CPT1A: variants seen among roughly 807,000 people sequenced by gnomAD.
CPT1A encodes carnitine O-palmitoyltransferase 1, liver isoform.
CPT1A carries 64 observed loss-of-function variants against 100.8 expected under a neutral mutation model. That is an observed-to-expected ratio of 0.63 (90% CI 0.52 to 0.78). The LOEUF is 0.78. Among genes scored for constraint, CPT1A ranks in the 30% least tolerant of loss-of-function variants. The probability of loss-of-function intolerance (pLI) is 0.00; values close to 1 mark genes in which losing one functional copy is unlikely to be tolerated. For missense variants in CPT1A, 802 were observed against 1,034.1 expected (o/e 0.78, Z 3.08); for synonymous variants, 363 against 396.0 (o/e 0.92, Z 0.99).
chr11:68,763,056 C>T (rs988965309), intron 14 of CPT1A, among the ~76,000 whole-genome samples: 11 of 152,220 alleles, frequency 7.2e-5, no homozygotes, highest in Admixed American at 2.0e-4. Flanking sequence ...CACCACATTG[C>T]CCAGGCTGGT....
intron 1 of CPT1A, among the ~76,000 whole-genome samples, chr11:68,820,563 A>C (rs12801913): frequency 6.6e-6 from 1 of 152,160 alleles, no homozygotes; most frequent in South Asian, 2.1e-4. Context: ...CATGCCTGTA[A>C]TCCCAGCTAC....
intron 9 of CPT1A, among the ~76,000 whole-genome samples, chr11:68,791,828 C>T (rs185010327): frequency 5.9e-4 from 90 of 152,138 alleles, no homozygotes; most frequent in African/African-American, 1.9e-3. Flanking sequence ...TGAGCCACCG[C>T]GCCTGGCCAG....
intron 3 of CPT1A, among the ~76,000 whole-genome samples, chr11:68,811,418 G>T (rs556563038): frequency 6.6e-6 from 1 of 152,316 alleles, no homozygotes; most frequent in South Asian, 2.1e-4. Context: ...AGTAAAATGT[G>T]TGTCCAAGCC....
Position 68,757,581 on chromosome 11 carries a change from G to A in CPT1A, c.*63C>T, listed in dbSNP as rs1303036815. 1.9e-6 allele frequency: 3 copies of A among 1,612,774 alleles called. No individual in the cohort carries two copies. The highest frequency in any genetic ancestry group is 2.5e-6 in the Non-Finnish European group (3 of 1,179,592). On this transcript the variant is annotated 3_prime_UTR_variant, in exon 19 of 19. Coordinates refer to ENST00000265641, the MANE Select transcript of CPT1A (RefSeq NM_001876.4). ...ATCCCGAGCTAAGGTCAGGATTAAT[G>A]CCTATTTTTCATTTGGTTTGCATCA...
intron 1 of CPT1A, among the ~76,000 whole-genome samples, chr11:68,819,834 G>A (rs778938726): frequency 1.3e-5 from 2 of 152,178 alleles, no homozygotes; most frequent in African/African-American, 4.8e-5. Flanking sequence ...TCCTGACCTA[G>A]CCTCTCCCTC....
intron 5 of CPT1A, among the ~76,000 whole-genome samples, chr11:68,803,176 C>T (rs1459512595): frequency 6.6e-6 from 1 of 152,126 alleles, no homozygotes; most frequent in Non-Finnish European, 1.5e-5. Context: ...TACTATTCAG[C>T]CATAAGAAGG....
At position 68,809,667 on chromosome 11, in the gene CPT1A, A is replaced by T. The variant is rs189487418; in HGVS notation, c.282-2029T>A. The stretch of plus-strand genomic sequence containing the variant: ...AGGCAGCAGCCCAGAGATACTGCAG[A>T]TCCCCTCCAGGACAGGAAATGGCCC... On this transcript the variant is annotated intron_variant, in intron 3 of 18. Transcript: ENST00000265641. Among the ~76,000 whole-genome samples the T allele has an allele frequency of 5.2e-4, 79 of 152,244 alleles. 2 individuals carry two copies. In the East Asian group the frequency reaches 0.015, roughly 29 times the overall value.
intron 8 of CPT1A, 58 bp from the exon 9 acceptor site, chr11:68,793,460 A>G: frequency 6.9e-7 from 1 of 1,449,190 alleles, no homozygotes; most frequent in Non-Finnish European, 9.5e-7. Flanking sequence ...AAAAGCAGCA[A>G]GTTGGCCGGG....
At chr11:68,825,269 T>A (rs916764740) in intron 1 of CPT1A, among the ~76,000 whole-genome samples, 2 of 152,148 alleles carry the variant, frequency 1.3e-5, no homozygotes, top group African/African-American at 4.8e-5. Context: ...ATGTGTTGAA[T>A]GAAATGAAAC....
chr11:68,834,659 C>T (rs1856964657), intron 1 of CPT1A, among the ~76,000 whole-genome samples: 1 of 151,998 alleles, frequency 6.6e-6, no homozygotes, highest in African/African-American at 2.4e-5. Context: ...GAGTATCACT[C>T]GAGCCCAGGA....
intron 1 of CPT1A, among the ~76,000 whole-genome samples, chr11:68,818,445 A>G (rs1462383608): frequency 6.6e-6 from 1 of 152,134 alleles, no homozygotes; most frequent in African/African-American, 2.4e-5. Context: ...AAGACGACAC[A>G]CCCGGGAGGT....
intron 14 of CPT1A, among the ~76,000 whole-genome samples, chr11:68,763,767 T>C (rs1201129908): frequency 6.6e-6 from 1 of 152,124 alleles, no homozygotes; most frequent in Non-Finnish European, 1.5e-5. Flanking sequence ...CCCACTGCGG[T>C]CAGCGCTCAC....
At chr11:68,764,770 A>G (rs1412878539) in intron 14 of CPT1A, among the ~76,000 whole-genome samples, 1 of 152,248 alleles carries the variant, frequency 6.6e-6, no homozygotes, top group Non-Finnish European at 1.5e-5. Flanking sequence ...ATGAGAGTGC[A>G]TCAGCCAGCA....
intron 1 of CPT1A, among the ~76,000 whole-genome samples, chr11:68,816,991 G>A (rs1301681354): frequency 9.0e-6 from 1 of 111,118 alleles, no homozygotes; most frequent in African/African-American, 3.6e-5. Context: ...GGGTGCGTGG[G>A]TGTGTGTGTG....
chr11:68,812,653 G>C, intron 2 of CPT1A, 77 bp from the exon 3 acceptor site: 1 of 1,570,696 alleles, frequency 6.4e-7, no homozygotes. Context: ...GCCCCTGGCA[G>C]CAGGGCTGCT....
At chr11:68,780,305 CAG>C (rs1390898177) in intron 12 of CPT1A, among the ~76,000 whole-genome samples, 1 of 152,140 alleles carries the variant, frequency 6.6e-6, no homozygotes, top group African/African-American at 2.4e-5. Flanking sequence ...CTTTTTGAGA[CAG>C]AGTCTCGCTC....
chr11:68,820,455 G>T (rs1211416445), intron 1 of CPT1A, among the ~76,000 whole-genome samples: 3 of 151,996 alleles, frequency 2.0e-5, no homozygotes, highest in Admixed American at 6.6e-5. Context: ...GGCCCAGGTG[G>T]GTGGATCACT....
At chr11:68,816,460 C>A (rs1200215973) in intron 1 of CPT1A, among the ~76,000 whole-genome samples, 2 of 152,184 alleles carry the variant, frequency 1.3e-5, no homozygotes, top group Non-Finnish European at 2.9e-5. Flanking sequence ...CCAAGCACAG[C>A]CCCTGGGGAG....
chr11:68,796,964 A>C lies in CPT1A; in HGVS notation c.694-31T>G, dbSNP rs774031035. 2.5e-6 allele frequency: 4 copies of C among 1,609,224 alleles called. No homozygotes were observed. In the Admixed American group the frequency reaches 6.7e-5, roughly 27 times the overall value. ...GGGCGCAAACACCAGACAAACCCGCAGGCTCAGCAGGGGCCAGGCAGGCTC... is the reference window on the plus strand; with the variant it reads ...GGGCGCAAACACCAGACAAACCCGCCGGCTCAGCAGGGGCCAGGCAGGCTC... On this transcript the variant is annotated intron_variant, in intron 6 of 18. Coordinates refer to ENST00000265641, the MANE Select transcript of CPT1A (RefSeq NM_001876.4).
Sources: allele counts gnomAD v4.1 joint callset (sites outside exome capture counted in the v4.1 genomes callset), GRCh38; gene constraint gnomAD v4.1.1; transcripts MANE v1.5; gene names NCBI Gene and HGNC (gene_info 2026-07-23, HGNC 2026-07-21).